XRCC4: variants seen among roughly 807,000 people sequenced by gnomAD.
XRCC4 encodes the protein DNA repair protein XRCC4.
A neutral mutation model predicts 39.1 loss-of-function variants in XRCC4; 28 were observed. The observed-to-expected ratio is 0.72, with a 90% CI of 0.53 to 0.98. The LOEUF (loss-of-function observed/expected upper bound fraction) is 0.98. Among genes scored for constraint, XRCC4 ranks in the 50% least tolerant of loss-of-function variants. The probability of loss-of-function intolerance (pLI) is 0.00; values close to 1 mark genes in which losing one functional copy is unlikely to be tolerated. For missense variants in XRCC4, 350 were observed against 376.4 expected, an observed-to-expected ratio of 0.93 and a Z score of 0.58; for synonymous variants, 123 against 126.4, an observed-to-expected ratio of 0.97 and a Z score of 0.18.
At chr5:83,182,021 TTAAAA>T (rs1750229120) in intron 3 of XRCC4, among the ~76,000 whole-genome samples, 1 of 152,122 alleles carries the variant, frequency 6.6e-6, no homozygotes, top group South Asian at 2.1e-4. Flanking sequence ...TAGATATATG[TTAAAA>T]TAAAAACAAC....
chr5:83,220,013 A>C (rs530879273), intron 6 of XRCC4, among the ~76,000 whole-genome samples: 16 of 152,254 alleles, frequency 1.1e-4, no homozygotes, highest in African/African-American at 3.8e-4. Context: ...TTGTACTAAC[A>C]AGTCTTTATG....
intron 7 of XRCC4, among the ~76,000 whole-genome samples, chr5:83,260,514 G>A (rs1160989741): frequency 6.6e-6 from 1 of 152,022 alleles, no homozygotes; most frequent in Non-Finnish European, 1.5e-5. Flanking sequence ...TTTTATGTTG[G>A]AGAGCTGCAT....
chr5:83,094,334 T>A (rs1299256374), intron 1 of XRCC4, among the ~76,000 whole-genome samples: 4 of 65,462 alleles, frequency 6.1e-5, no homozygotes, highest in Non-Finnish European at 1.1e-4. Flanking sequence ...TCTCCTCCCC[T>A]TCCCTCCGCT....
intron 3 of XRCC4, among the ~76,000 whole-genome samples, chr5:83,157,481 CA>C (rs1313226559): frequency 6.6e-6 from 1 of 151,704 alleles, no homozygotes; most frequent in Non-Finnish European, 1.5e-5. Context: ...AATAAAAACG[CA>C]GTGATCAAAT....
At chr5:83,120,341 C>T (rs1746949801) in intron 3 of XRCC4, among the ~76,000 whole-genome samples, 1 of 152,062 alleles carries the variant, frequency 6.6e-6, no homozygotes, top group Non-Finnish European at 1.5e-5. Context: ...AATTTACAAA[C>T]AATTAAATGT....
At chr5:83,368,690 G>A in the XRCC4 span, among the ~76,000 whole-genome samples, 7 of 152,140 alleles carry the variant, frequency 4.6e-5, no homozygotes, top group East Asian at 1.9e-4. Flanking sequence ...TAGATCCTAC[G>A]ATAGTCCTTA....
At chr5:83,331,522 G>A (rs1224465751) in intron 7 of XRCC4, among the ~76,000 whole-genome samples, 4 of 152,050 alleles carry the variant, frequency 2.6e-5, no homozygotes, top group Admixed American at 2.6e-4. Context: ...TTCACAAATA[G>A]TATGACCCAG....
intron 3 of XRCC4, among the ~76,000 whole-genome samples, chr5:83,167,165 AG>A (rs1291271588): frequency 2.0e-5 from 3 of 151,850 alleles, no homozygotes; most frequent in Non-Finnish European, 4.4e-5. Flanking sequence ...TACAGGCATG[AG>A]CTACTGAACC....
At chr5:83,357,995 C>T (rs1325127313), downstream of XRCC4, among the ~76,000 whole-genome samples, 1 of 152,154 alleles carries the variant, frequency 6.6e-6, no homozygotes, top group Non-Finnish European at 1.5e-5. Context: ...ATTTTGTATT[C>T]ATTTCAATGA....
At chr5:83,264,405 T>C (rs1019379471) in intron 7 of XRCC4, among the ~76,000 whole-genome samples, 4 of 151,312 alleles carry the variant, frequency 2.6e-5, no homozygotes, top group African/African-American at 7.2e-5. Flanking sequence ...CTTTCTGATA[T>C]CTTCTTCCTA....
At chr5:83,230,752 G>A (rs1752465742) in intron 6 of XRCC4, among the ~76,000 whole-genome samples, 1 of 151,960 alleles carries the variant, frequency 6.6e-6, no homozygotes, top group South Asian at 2.1e-4. Flanking sequence ...AATGAAGATG[G>A]TGCACTTTAT....
chr5:83,358,293 T>C (rs1251455397), downstream of XRCC4, among the ~76,000 whole-genome samples: 4 of 152,146 alleles, frequency 2.6e-5, no homozygotes, highest in East Asian at 7.7e-4. Context: ...CTCCCTTTCT[T>C]ATCTGCTCAA....
chr5:83,267,716 C>G (rs1754005477), intron 7 of XRCC4, among the ~76,000 whole-genome samples: 1 of 152,104 alleles, frequency 6.6e-6, no homozygotes. Flanking sequence ...AAATAAATGT[C>G]TAGCTTGATT....
Position 83,203,717 on chromosome 5 carries a change from C to G in XRCC4, c.638+10C>G. On this transcript the variant is annotated intron_variant, in intron 5 of 7. Transcript: ENST00000396027. Reference sequence around the variant, plus strand: ...ACATCAAACAAGAAGGGTATTTTCGCTATCTTGTTTTTGGATGACAGATGA... The same window carrying G: ...ACATCAAACAAGAAGGGTATTTTCGGTATCTTGTTTTTGGATGACAGATGA... The G allele has an allele frequency of 6.2e-7, 1 of 1,607,064 alleles. No homozygotes were observed. The highest frequency in any genetic ancestry group is 1.1e-5 in the South Asian group (1 of 89,216).
intron 6 of XRCC4, among the ~76,000 whole-genome samples, chr5:83,246,144 A>G (rs898241074): frequency 1.3e-5 from 2 of 151,990 alleles, no homozygotes; most frequent in South Asian, 2.1e-4. Context: ...ATAGATTTCT[A>G]TATCTATCTA....
At chr5:83,097,520 T>C (rs1745736658) in intron 1 of XRCC4, among the ~76,000 whole-genome samples, 2 of 150,350 alleles carry the variant, frequency 1.3e-5, no homozygotes, top group Non-Finnish European at 3.0e-5. Flanking sequence ...ACACAAGTGC[T>C]TTTAGTTACA....
chr5:83,248,170 G>A (rs747691764), intron 6 of XRCC4, among the ~76,000 whole-genome samples: 2 of 152,192 alleles, frequency 1.3e-5, no homozygotes, highest in Non-Finnish European at 2.9e-5. Flanking sequence ...AAACCCAGGA[G>A]TAGAGTGAGA....
At chr5:83,310,312 A>G (rs1458419170) in intron 7 of XRCC4, among the ~76,000 whole-genome samples, 1 of 151,880 alleles carries the variant, frequency 6.6e-6, no homozygotes, top group Non-Finnish European at 1.5e-5. Context: ...GGCTGGATCT[A>G]CTCCATGTGT....
intron 6 of XRCC4, among the ~76,000 whole-genome samples, chr5:83,209,083 AGTGTGTGT>A (rs35019637): frequency 1.3e-3 from 182 of 143,680 alleles, no homozygotes; most frequent in African/African-American, 3.9e-3. Flanking sequence ...CTCCAAAGTG[AGTGTGTGT>A]GTGTGTGTGT....
Sources: allele counts gnomAD v4.1 joint callset (sites outside exome capture counted in the v4.1 genomes callset), GRCh38; gene constraint gnomAD v4.1.1; transcripts MANE v1.5; gene names NCBI Gene and HGNC (gene_info 2026-07-23, HGNC 2026-07-21).